The following KCNQ5 variants were observed in gnomAD, a reference collection of about 807,000 sequenced individuals.
The protein encoded by KCNQ5 is potassium voltage-gated channel subfamily Q member 5.
A neutral mutation model predicts 98.2 loss-of-function variants in KCNQ5; 30 were observed. The ratio of observed to expected loss-of-function variants is 0.31; its 90% CI spans 0.23 to 0.41. KCNQ5 has a LOEUF of 0.41. Among genes scored for constraint, KCNQ5 ranks in the 10% least tolerant of loss-of-function variants. The pLI is 1.00. For missense variants in KCNQ5, 835 were observed against 1,182.5 expected (o/e 0.71, Z 4.31); for synonymous variants, 458 against 449.4 (o/e 1.02, Z -0.24).
intron 2 of KCNQ5, among the ~76,000 whole-genome samples, chr6:73,035,047 T>A (rs963238418): frequency 6.6e-6 from 1 of 151,916 alleles, no homozygotes; most frequent in Admixed American, 6.6e-5. Context: ...GGGTTTCACC[T>A]TATTAGCCAG....
In KCNQ5 at chr6:72,924,131, A is replaced by T. The variant is rs1045504226; in HGVS notation, c.399-79777A>T. 5.3e-5 allele frequency among the ~76,000 whole-genome samples: 8 copies of T among 152,210 alleles called. No homozygotes were observed. In the East Asian group the frequency reaches 1.3e-3, roughly 26 times the overall value. ...TTTTCTAAAGAATATTAATGTCAAA[A>T]CAAGTTTTCTTATAGTTCATCTTCT... On this transcript the variant is annotated intron_variant, in intron 1 of 13. Transcript: ENST00000370398.
At chr6:73,017,164 T>C (rs899022238) in intron 2 of KCNQ5, among the ~76,000 whole-genome samples, 17 of 152,184 alleles carry the variant, frequency 1.1e-4, no homozygotes, top group Admixed American at 2.6e-4. Flanking sequence ...GGCATCGCCC[T>C]GCCCTGGAAG....
intron 1 of KCNQ5, among the ~76,000 whole-genome samples, chr6:72,873,375 C>A (rs1230129161): frequency 6.6e-6 from 1 of 152,070 alleles, no homozygotes; most frequent in African/African-American, 2.4e-5. Context: ...GTGTGCCCTT[C>A]CTGAAGTATA....
intron 9 of KCNQ5, chr6:73,125,668 C>G (rs1256203276): frequency 1.1e-5 from 2 of 188,876 alleles, no homozygotes; most frequent in Non-Finnish European, 2.1e-5. Flanking sequence ...TCTGGATTAT[C>G]CATTTTTGCA....
At chr6:72,825,254 A>G (rs1261920099) in intron 1 of KCNQ5, among the ~76,000 whole-genome samples, 2 of 152,060 alleles carry the variant, frequency 1.3e-5, no homozygotes, top group Non-Finnish European at 2.9e-5. Flanking sequence ...ACCATCCCCA[A>G]CACTTTCTGT....
At chr6:72,642,202 A>C (rs1220596566) in intron 1 of KCNQ5, among the ~76,000 whole-genome samples, 1 of 148,672 alleles carries the variant, frequency 6.7e-6, no homozygotes, top group East Asian at 2.1e-4. Context: ...CAAGTGAAAA[A>C]CAAACATTTT....
chr6:73,169,694 T>C, intron 10 of KCNQ5, 52 bp from the exon 11 acceptor site: 1 of 1,290,140 alleles, frequency 7.8e-7, no homozygotes, highest in Non-Finnish European at 1.1e-6. Context: ...TTCAGCAACA[T>C]GTTTCAAATT....
chr6:73,127,597 C>T (rs1015660150), intron 9 of KCNQ5, among the ~76,000 whole-genome samples: 1 of 152,166 alleles, frequency 6.6e-6, no homozygotes, highest in Non-Finnish European at 1.5e-5. Context: ...AGATGTCGAA[C>T]ACATTTATAG....
chr6:73,058,522 G>A (rs532385092), intron 3 of KCNQ5, among the ~76,000 whole-genome samples: 2 of 152,272 alleles, frequency 1.3e-5, no homozygotes, highest in East Asian at 3.9e-4. Flanking sequence ...AGCGATTGCA[G>A]CAAAAACAAA....
At chr6:72,840,514 G>A (rs539890366) in intron 1 of KCNQ5, among the ~76,000 whole-genome samples, 3 of 152,152 alleles carry the variant, frequency 2.0e-5, no homozygotes, top group East Asian at 3.9e-4. Context: ...GCTACCCTCA[G>A]TATAAAACTG....
chr6:72,973,907 A>T (rs888250975), intron 1 of KCNQ5, among the ~76,000 whole-genome samples: 1 of 152,226 alleles, frequency 6.6e-6, no homozygotes, highest in African/African-American at 2.4e-5. Context: ...AACAGTGTAC[A>T]TAAACTTTTC....
In KCNQ5 at chr6:73,004,011, T is replaced by C; in HGVS notation, c.489+13T>C. 1.3e-6 allele frequency: 2 copies of C among 1,484,446 alleles called. No homozygotes were observed. The highest frequency in any genetic ancestry group is 1.9e-6 in the Non-Finnish European group (2 of 1,062,602). The allele number at this position is 1,484,446 out of a possible 1,614,324, so 92.0% of individuals were successfully genotyped here. ...CCTCTTGATCCTGGTAAGTGAAACA[T>C]GAACAAGAACGTACATGAATGTTGT... On this transcript the variant is annotated intron_variant, in intron 2 of 13. Transcript: ENST00000370398.
chr6:72,835,374 A>G (rs887381831), intron 1 of KCNQ5, among the ~76,000 whole-genome samples: 1 of 152,150 alleles, frequency 6.6e-6, no homozygotes, highest in African/African-American at 2.4e-5. Flanking sequence ...CTAATTAAAT[A>G]TTGCATCAAT....
chr6:72,725,127 T>C (rs577479396), intron 1 of KCNQ5, among the ~76,000 whole-genome samples: 6 of 152,148 alleles, frequency 3.9e-5, no homozygotes, highest in Non-Finnish European at 7.4e-5. Flanking sequence ...AAAATGTGGT[T>C]TCTATAAAAA....
intron 8 of KCNQ5, among the ~76,000 whole-genome samples, chr6:73,123,047 T>A (rs1184067914): frequency 6.6e-6 from 1 of 151,998 alleles, no homozygotes; most frequent in African/African-American, 2.4e-5. Flanking sequence ...CAGTCATGTA[T>A]GCATTCAACA....
At chr6:73,137,454 A>G (rs2796046) in intron 10 of KCNQ5, among the ~76,000 whole-genome samples, 18,873 of 152,162 alleles carry the variant, frequency 0.12, 2,343 homozygotes, top group African/African-American at 0.33. Context: ...CATATTTTTA[A>G]CTGATAAATT....
At chr6:72,681,055 A>G (rs751494038) in intron 1 of KCNQ5, among the ~76,000 whole-genome samples, 3 of 152,252 alleles carry the variant, frequency 2.0e-5, no homozygotes, top group Admixed American at 6.5e-5. Context: ...TGGAAGGGCT[A>G]TGAAAGCCCT....
chr6:73,016,950 T>C (rs1427710805), intron 2 of KCNQ5, among the ~76,000 whole-genome samples: 1 of 152,126 alleles, frequency 6.6e-6, no homozygotes, highest in African/African-American at 2.4e-5. Context: ...CTGGCCTACA[T>C]ATCCCAACTC....
chr6:72,803,352 T>C (rs1774767477), intron 1 of KCNQ5, among the ~76,000 whole-genome samples: 1 of 152,208 alleles, frequency 6.6e-6, no homozygotes, highest in African/African-American at 2.4e-5. Context: ...GCCTCATTGC[T>C]AACTACTAAG....
Sources: gnomAD v4.1 joint callset for allele counts (sites outside exome capture counted in the v4.1 genomes callset) on GRCh38, gnomAD v4.1.1 for gene constraint, MANE v1.5 for transcripts, NCBI Gene and HGNC (gene_info 2026-07-23, HGNC 2026-07-21) for gene names.